Variants in TUBAL3 observed in about 807,000 individuals in gnomAD.
The protein encoded by TUBAL3 is tubulin alpha like 3.
TUBAL3 carries 16 observed loss-of-function variants against 15.5 expected under a neutral mutation model. The ratio of observed to expected loss-of-function variants is 1.04; its 90% CI spans 0.70 to 1.57. The LOEUF (loss-of-function observed/expected upper bound fraction) is 1.57, where lower values mean the gene tolerates loss of function less well. Ranked by LOEUF, TUBAL3 falls within the 40% of genes most tolerant of loss-of-function variation. TUBAL3 has a pLI of 0.00. For missense variants in TUBAL3, 609 were observed against 576.2 expected (o/e 1.06, Z -0.58); for synonymous variants, 238 against 224.3 (o/e 1.06, Z -0.55).
chr10:5,399,646 A>G (rs782613463), intron 2 of TUBAL3, among the ~76,000 whole-genome samples: 2 of 152,220 alleles, frequency 1.3e-5, no homozygotes, highest in Non-Finnish European at 2.9e-5. Context: ...TTGTACTTCT[A>G]TCACCCAGCT....
chr10:5,398,334 T>C (rs11253158), intron 2 of TUBAL3, among the ~76,000 whole-genome samples: 113,530 of 150,362 alleles, frequency 0.76, 43,078 homozygotes, highest in East Asian at 0.82. Context: ...GCAGGGGAAT[T>C]GCTTGAACCC....
chr10:5,400,332 G>A lies in TUBAL3; in HGVS notation c.247+512C>T, dbSNP rs570846768. Among the ~76,000 whole-genome samples the A allele has an allele frequency of 2.6e-5, 4 of 152,246 alleles. No individual in the cohort carries two copies. In the South Asian group the frequency reaches 8.3e-4, roughly 32 times the overall value. On this transcript the variant is annotated intron_variant, in intron 2 of 3. Transcript: ENST00000380419. ...GGTCTTAATTCATTTCATCACACAG[G>A]TAAAGAAGGCTAACCTAGGCCAAGT... is the stretch of plus-strand genomic sequence containing the variant.
In TUBAL3 at chr10:5,393,218, C is replaced by T. The variant is rs3255; in HGVS notation, c.*299G>A. The stretch of plus-strand genomic sequence containing the variant: ...TACCAGAAAGGAAAAGCATAAACTT[C>T]AGGATTTCATTGTCTCTTGGTAAAA... On this transcript the variant is annotated 3_prime_UTR_variant, in exon 4 of 4. Transcript: ENST00000380419. 215,270 of 292,456 alleles carry T rather than the reference C, an allele frequency of 0.74. 79,793 individuals carry two copies. Among genetic ancestry groups the T allele is most frequent in the East Asian group, 0.81 (13,445 of 16,686 alleles). The allele number at this position is 292,456 out of a possible 1,614,324, so 18.1% of individuals were successfully genotyped here. A position where few individuals can be genotyped will look rare whatever the true frequency, so the allele number is the denominator to read the frequency against.
chr10:5,401,229 G>T, intron 1 of TUBAL3, 142 bp from the exon 2 acceptor site: 2 of 1,049,046 alleles, frequency 1.9e-6, no homozygotes, highest in Non-Finnish European at 1.4e-6. Flanking sequence ...AATCAAAAGC[G>T]TTTCATGGAA....
rs143134074 is a variant in TUBAL3, at chr10:5,394,219, G to A, written c.639C>T (p.Asn213=). 1.9e-5 allele frequency: 31 copies of A among 1,614,170 alleles called. No homozygotes were observed. The African/African-American group carries it at 2.1e-4, about 11-fold the overall frequency. The change falls in exon 4 of 4, where the codon AAC becomes AAT. Residue 213 remains asparagine, a synonymous_variant. Coordinates refer to ENST00000380419, the MANE Select transcript of TUBAL3 (RefSeq NM_024803.3). The surrounding 1 kb of genome is among the most constrained non-coding windows in gnomAD (Gnocchi z 4.3). The stretch of plus-strand genomic sequence containing the variant: ...GATGGCATATATCATAGACGGCCTC[G>A]TTGTCCACCATGAAGGTACAGTCCG... ...EHTDCTFMVD[N]EAVYDICHRK...
Position 5,393,609 on chromosome 10 carries a change from T to C in TUBAL3, c.1249A>G (p.Arg417Gly). 1 of 1,614,154 alleles carries C rather than the reference T, an allele frequency of 6.2e-7. No homozygotes were observed. The highest frequency in any genetic ancestry group is 8.5e-7 in the Non-Finnish European group (1 of 1,179,996). ...AACTCTGCTTCTTCCATGCCTTCTC[T>C]GAGGTACCAGTGCAGAAATGCTCTC... Reference protein sequence around the residue: ...AKRAFLHWYLREGMEEAEFLE... With the variant: ...AKRAFLHWYLGEGMEEAEFLE... The change falls in exon 4 of 4, where the codon AGA becomes GGA. Residue 417 changes from arginine to glycine, a missense_variant. Arg to Gly is a moderately radical substitution (Grantham distance 125). Transcript: ENST00000380419.
At chr10:5,402,473 A>T (rs1216958586) in intron 1 of TUBAL3, among the ~76,000 whole-genome samples, 3 of 152,208 alleles carry the variant, frequency 2.0e-5, no homozygotes, top group Admixed American at 2.0e-4. Flanking sequence ...GTTTGACCAG[A>T]TAAGCTGAGG....
chr10:5,399,018 G>A (rs1230692650), intron 2 of TUBAL3, among the ~76,000 whole-genome samples: 1 of 151,928 alleles, frequency 6.6e-6, no homozygotes, highest in African/African-American at 2.4e-5. Flanking sequence ...CACTAGATTA[G>A]GCTACTTTCC....
intron 1 of TUBAL3, among the ~76,000 whole-genome samples, chr10:5,402,918 C>A (rs189705741): frequency 1.3e-5 from 2 of 152,318 alleles, no homozygotes; most frequent in Non-Finnish European, 2.9e-5. Context: ...AGTTGAGGAC[C>A]ACTGGTCTAC....
At position 5,393,622 on chromosome 10, in the gene TUBAL3, C is replaced by T; in HGVS notation, c.1236G>A (p.Leu412=). 5 of 1,614,190 alleles carry T rather than the reference C, an allele frequency of 3.1e-6. No homozygotes were observed. The highest frequency in any genetic ancestry group is 4.2e-6 in the Non-Finnish European group (5 of 1,180,038). The part of the protein sequence containing the change: ...FDLMYAKRAF[L]HWYLREGMEE... The stretch of plus-strand genomic sequence containing the variant: ...CCATGCCTTCTCTGAGGTACCAGTG[C>T]AGAAATGCTCTCTTGGCGTACATGA... Residue 412 remains leucine, a synonymous_variant, in exon 4 of 4, where the codon CTG becomes CTA. Transcript: ENST00000380419.
Position 5,396,897 on chromosome 10 carries a change from T to C in TUBAL3, c.248-1422A>G, listed in dbSNP as rs1831773676. 6.6e-6 allele frequency among the ~76,000 whole-genome samples: 1 copy of C among 152,206 alleles called. No individual in the cohort carries two copies. Among genetic ancestry groups the C allele is most frequent in the South Asian group, 2.1e-4 (1 of 4,828 alleles). ...GTTAAATGCATGTTTCAAGAATCAGTTTCCTGGGTTCCTATCTTGCCTTCC... is the reference window on the plus strand; with the variant it reads ...GTTAAATGCATGTTTCAAGAATCAGCTTCCTGGGTTCCTATCTTGCCTTCC... On this transcript the variant is annotated intron_variant, in intron 2 of 3. Transcript: ENST00000380419. This position sits in a 1 kb window ranked among gnomAD's most constrained non-coding sequence, Gnocchi z 5.1.
chr10:5,403,362 G>A (rs1198918289), intron 1 of TUBAL3, among the ~76,000 whole-genome samples: 2 of 152,090 alleles, frequency 1.3e-5, no homozygotes, highest in Non-Finnish European at 2.9e-5. Flanking sequence ...ATTTTAAAAG[G>A]AGAGGGTGAA....
Position 5,397,071 on chromosome 10 carries a change from A to C in TUBAL3, c.248-1596T>G, listed in dbSNP as rs781913037. The stretch of plus-strand genomic sequence containing the variant: ...AGCAATTATAAGTAACAATGATAGA[A>C]CTGGCTTCATGACATGCATTTATGC... On this transcript the variant is annotated intron_variant, in intron 2 of 3. Transcript: ENST00000380419. This position sits in a 1 kb window ranked among gnomAD's most constrained non-coding sequence, Gnocchi z 4.9. 5.3e-5 allele frequency among the ~76,000 whole-genome samples: 8 copies of C among 152,222 alleles called. No individual in the cohort carries two copies. Among genetic ancestry groups the C allele is most frequent in the Non-Finnish European group, 7.3e-5 (5 of 68,038 alleles).
chr10:5,404,656 G>C (rs1831903300), intron 1 of TUBAL3, 134 bp downstream of exon 1: 2 of 938,508 alleles, frequency 2.1e-6, no homozygotes, highest in South Asian at 3.1e-5. Flanking sequence ...CTTGGACATT[G>C]AAAGAAACAA....
chr10:5,402,780 G>A (rs1554814756), intron 1 of TUBAL3, among the ~76,000 whole-genome samples: 2 of 152,268 alleles, frequency 1.3e-5, no homozygotes, highest in African/African-American at 4.8e-5. Flanking sequence ...GATCTAGGTT[G>A]TGTGCTCCTT....
At chr10:5,398,420 CAAAAAAA>C (rs67359864) in intron 2 of TUBAL3, among the ~76,000 whole-genome samples, 1 of 80,858 alleles carries the variant, frequency 1.2e-5, no homozygotes, top group African/African-American at 5.4e-5. Context: ...AACTCTGTCT[CAAAAAAA>C]AAAAAAAAAA....
Position 5,393,899 on chromosome 10 carries a change from A to G in TUBAL3, c.959T>C (p.Met320Thr). The G allele has an allele frequency of 1.2e-6, 2 of 1,614,234 alleles. No individual in the cohort carries two copies. Among genetic ancestry groups the G allele is most frequent in the East Asian group, 4.5e-5 (2 of 44,882 alleles). Residue 320 changes from methionine to threonine, a missense_variant, in exon 4 of 4, where the codon ATG becomes ACG. Met to Thr is a moderately conservative substitution (Grantham distance 81). Transcript: ENST00000380419. Reference sequence around the variant, plus strand: ...CCCTCTATAGAGTAGGCAGCAGGCCATGTACTTCCCAAGCCGAGGATCACA... The same window carrying G: ...CCCTCTATAGAGTAGGCAGCAGGCCGTGTACTTCCCAAGCCGAGGATCACA... Reference protein sequence around the residue: ...VKCDPRLGKYMACCLLYRGDV... With the variant: ...VKCDPRLGKYTACCLLYRGDV...
intron 1 of TUBAL3, 133 bp downstream of exon 1, chr10:5,404,657 A>G: frequency 1.0e-6 from 1 of 958,808 alleles, no homozygotes; most frequent in Non-Finnish European, 1.6e-6. Context: ...TTGGACATTG[A>G]AAGAAACAAA....
chr10:5,394,484 G>A lies in TUBAL3; in HGVS notation c.397-23C>T, dbSNP rs782206582. 13 of 1,558,656 alleles carry A rather than the reference G, an allele frequency of 8.3e-6. No homozygotes were observed. The African/African-American group carries it at 1.8e-4, about 21-fold the overall frequency. ...TGCCTGGAGAAAGTAAATGAGATGT[G>A]AGAATTCAGCTGAATAAATCCAGAA... On this transcript the variant is annotated intron_variant, in intron 3 of 3. Coordinates refer to ENST00000380419, the MANE Select transcript of TUBAL3 (RefSeq NM_024803.3). The surrounding 1 kb of genome is among the most constrained non-coding windows in gnomAD (Gnocchi z 4.3).
Sources: gnomAD v4.1 joint callset for allele counts (sites outside exome capture counted in the v4.1 genomes callset) on GRCh38, gnomAD v4.1.1 for gene constraint, Gnocchi (gnomAD v3.1) non-coding constraint, MANE v1.5 for transcripts, NCBI Gene and HGNC (gene_info 2026-07-23, HGNC 2026-07-21) for gene names.